The following OPCML variants were observed in gnomAD, a reference collection of about 807,000 sequenced individuals.
OPCML encodes the protein opioid binding protein/cell adhesion molecule like, also known as opioid-binding protein/cell adhesion molecule.
In OPCML, 13 loss-of-function variants were observed where a neutral mutation model predicts 37.8. The ratio of observed to expected loss-of-function variants is 0.34; its 90% CI spans 0.22 to 0.55. The LOEUF is 0.55. OPCML is among the 20% of genes least tolerant of loss of function. The pLI is 0.91. For synonymous variants in OPCML, 176 were observed against 168.8 expected, an observed-to-expected ratio of 1.04 and a Z score of -0.33; for missense variants, 341 against 435.6, an observed-to-expected ratio of 0.78 and a Z score of 1.93.
At chr11:133,133,849 G>C (rs993431553) in intron 1 of OPCML, among the ~76,000 whole-genome samples, 1 of 152,076 alleles carries the variant, frequency 6.6e-6, no homozygotes, top group African/African-American at 2.4e-5. Context: ...ATTCATTCGG[G>C]GGGGAAAAAG....
intron 1 of OPCML, among the ~76,000 whole-genome samples, chr11:133,143,276 CTCCCT>C (rs1461710088): frequency 1.1e-4 from 17 of 152,220 alleles, no homozygotes; most frequent in Non-Finnish European, 1.6e-4. Context: ...ACCTTCACAA[CTCCCT>C]TCCATTTTGG....
In OPCML at chr11:132,997,598, G is replaced by A. The variant is rs1347677829; in HGVS notation, c.62-54588C>T. Among the ~76,000 whole-genome samples, 3 of 152,210 alleles carry A rather than the reference G, an allele frequency of 2.0e-5. No individual in the cohort carries two copies. The South Asian group carries it at 6.2e-4, about 32-fold the overall frequency. On this transcript the variant is annotated intron_variant, in intron 1 of 7. Coordinates refer to ENST00000524381, the MANE Select transcript of OPCML (RefSeq NM_001012393.5). ...GCTCATGTGCTCCCTAGGCAACAGG[G>A]AGCTGAGCAAGACCCGTGGATGGTG...
At chr11:133,129,767 G>A (rs1794880365) in intron 1 of OPCML, among the ~76,000 whole-genome samples, 1 of 152,116 alleles carries the variant, frequency 6.6e-6, no homozygotes, top group Non-Finnish European at 1.5e-5. Context: ...AAAGCTGTGT[G>A]TGTCATGGCA....
intron 4 of OPCML, among the ~76,000 whole-genome samples, chr11:132,438,336 A>T (rs1215471859): frequency 1.3e-5 from 2 of 152,216 alleles, no homozygotes; most frequent in East Asian, 3.9e-4. Context: ...AGCCATTTGC[A>T]TTTCTTATAG....
chr11:133,416,031 G>A (rs34574029), intron 1 of OPCML, among the ~76,000 whole-genome samples: 12,207 of 152,176 alleles, frequency 0.08, 1,414 homozygotes, highest in African/African-American at 0.25. Context: ...CAATATTTTA[G>A]TTATACTCCA....
chr11:133,180,954 A>G (rs1266277362), intron 1 of OPCML, among the ~76,000 whole-genome samples: 4 of 152,170 alleles, frequency 2.6e-5, no homozygotes, highest in African/African-American at 4.8e-5. Flanking sequence ...GAGCCAGAAA[A>G]CGGGAAACAC....
chr11:133,041,255 G>A (rs553315407), intron 1 of OPCML, among the ~76,000 whole-genome samples: 37 of 152,274 alleles, frequency 2.4e-4, no homozygotes, highest in African/African-American at 4.8e-4. Context: ...ATTAGATAAC[G>A]CTTGTAAAGC....
intron 1 of OPCML, among the ~76,000 whole-genome samples, chr11:133,123,871 T>C (rs1167170371): frequency 6.6e-6 from 1 of 152,018 alleles, no homozygotes; most frequent in Non-Finnish European, 1.5e-5. Flanking sequence ...CATCTGAGGT[T>C]TCAGAAAATA....
At chr11:132,700,275 T>C (rs950236113) in intron 2 of OPCML, among the ~76,000 whole-genome samples, 6 of 152,166 alleles carry the variant, frequency 3.9e-5, no homozygotes, top group African/African-American at 1.4e-4. Flanking sequence ...TTTATTGTTT[T>C]CAGTCTTTAT....
At chr11:133,515,713 T>A (rs1201600960) in intron 1 of OPCML, among the ~76,000 whole-genome samples, 2 of 151,926 alleles carry the variant, frequency 1.3e-5, no homozygotes, top group Non-Finnish European at 2.9e-5. Context: ...GAAGTACCTT[T>A]ACCACCAGTC....
Position 132,504,617 on chromosome 11 carries a change from G to A in OPCML, c.505+24444C>T, listed in dbSNP as rs561335351. On this transcript the variant is annotated intron_variant, in intron 4 of 7. Transcript: ENST00000524381. ...GCAGGCTCCAGGCTCCAGGCTGGCA[G>A]GTTAAATGTAGGTTGTTGGCAGGAG... is the stretch of plus-strand genomic sequence containing the variant. Among the ~76,000 whole-genome samples, 14 of 151,986 alleles carry A rather than the reference G, an allele frequency of 9.2e-5. 1 individual carries two copies. In the South Asian group the frequency reaches 2.9e-3, roughly 32 times the overall value.
chr11:133,525,803 G>A (rs1948478277), intron 1 of OPCML, among the ~76,000 whole-genome samples: 1 of 152,180 alleles, frequency 6.6e-6, no homozygotes, highest in Non-Finnish European at 1.5e-5. Context: ...AGTTCACTGT[G>A]CAATCTGATT....
chr11:133,275,864 C>G (rs977924055), intron 1 of OPCML, among the ~76,000 whole-genome samples: 1 of 152,186 alleles, frequency 6.6e-6, no homozygotes, highest in Non-Finnish European at 1.5e-5. Flanking sequence ...TGTCATTACA[C>G]CACTCAAACT....
At chr11:133,270,310 G>C (rs1466256630) in intron 1 of OPCML, among the ~76,000 whole-genome samples, 1 of 152,012 alleles carries the variant, frequency 6.6e-6, no homozygotes, top group African/African-American at 2.4e-5. Context: ...ATAAGCTTTA[G>C]CTAGATGGGA....
At chr11:132,903,738 A>C (rs560855313) in intron 2 of OPCML, among the ~76,000 whole-genome samples, 26 of 152,240 alleles carry the variant, frequency 1.7e-4, no homozygotes, top group African/African-American at 6.3e-4. Context: ...AAATAGTGGA[A>C]CCCTAGAACA....
intron 4 of OPCML, among the ~76,000 whole-genome samples, chr11:132,443,065 G>A (rs1187560144): frequency 6.6e-6 from 1 of 152,318 alleles, no homozygotes; most frequent in East Asian, 1.9e-4. Flanking sequence ...TCTCCACCCT[G>A]ACTGTCCTTC....
At chr11:132,503,512 T>A (rs1289002212) in intron 4 of OPCML, among the ~76,000 whole-genome samples, 3 of 152,154 alleles carry the variant, frequency 2.0e-5, no homozygotes, top group African/African-American at 7.2e-5. Context: ...ATTAAAAATA[T>A]GGTGTGTCTG....
chr11:133,258,437 G>A (rs756306265), intron 1 of OPCML, among the ~76,000 whole-genome samples: 6 of 152,144 alleles, frequency 3.9e-5, no homozygotes, highest in East Asian at 1.9e-4. Context: ...AAGGCTTGCC[G>A]ATGAGCACGT....
At position 133,064,094 on chromosome 11, in the gene OPCML, T is replaced by C. The variant is rs142537863; in HGVS notation, c.62-121084A>G. Among the ~76,000 whole-genome samples, 1,061 of 152,274 alleles carry C rather than the reference T, an allele frequency of 7.0e-3. 12 individuals are homozygous for C. Among genetic ancestry groups the C allele is most frequent in the African/African-American group, 0.024 (1,011 of 41,562 alleles). ...CTCAAGCCCCTTGTATTGGGGCCTA[T>C]TGCAGGTGAAGGGGGCTGACCAAAG... On this transcript the variant is annotated intron_variant, in intron 1 of 7. Transcript: ENST00000524381.
Sources: gnomAD v4.1 joint callset for allele counts (sites outside exome capture counted in the v4.1 genomes callset) on GRCh38, gnomAD v4.1.1 for gene constraint, MANE v1.5 for transcripts, NCBI Gene and HGNC (gene_info 2026-07-23, HGNC 2026-07-21) for gene names.